Variants in SEC16B observed in about 807,000 individuals in gnomAD.
SEC16B encodes the protein SEC16 homolog B, endoplasmic reticulum export factor.
Under a neutral mutation model 141.8 loss-of-function variants are expected in SEC16B, and 115 were observed. That is an observed-to-expected ratio of 0.81 (90% CI 0.70 to 0.95). SEC16B has a LOEUF of 0.95. Ranked by LOEUF, SEC16B falls within the 40% of genes least tolerant of loss-of-function variation. The pLI, the probability that SEC16B is intolerant of heterozygous loss-of-function variation, is 0.00. For missense variants in SEC16B, 1,291 were observed against 1,312.3 expected, an observed-to-expected ratio of 0.98 and a Z score of 0.25; for synonymous variants, 493 against 492.5, an observed-to-expected ratio of 1.00 and a Z score of -0.01.
intron 24 of SEC16B, 74 bp downstream of exon 24, chr1:177,932,416 C>T (rs1279577322): frequency 1.7e-6 from 2 of 1,164,450 alleles, no homozygotes; most frequent in African/African-American, 1.6e-5. Context: ...TCAGCACTGC[C>T]CACACTGAAG....
chr1:177,944,585 G>A lies in SEC16B; in HGVS notation c.1857C>T (p.Pro619=). Residue 619 remains proline (P), a synonymous_variant, in exon 15 of 26, where the codon CCC becomes CCT. Transcript: ENST00000308284. ...CCTGGAAAGAAGGGATGAAGGATTT[G>A]GGGCGGCCCAGCATCTGACAGTACT... is the stretch of plus-strand genomic sequence containing the variant. ...IFEYCQMLGR[P]KSFIPSFQVY... The A allele has an allele frequency of 1.9e-6, 3 of 1,613,788 alleles. No individual in the cohort carries two copies. The highest frequency in any genetic ancestry group is 1.1e-5 in the South Asian group (1 of 91,062).
At position 177,947,851 on chromosome 1, in the gene SEC16B, G is replaced by A. The variant is rs1448896675; in HGVS notation, c.1637C>T (p.Ala546Val). The A allele has an allele frequency of 1.8e-5, 28 of 1,556,986 alleles. No individual in the cohort carries two copies. The highest frequency in any genetic ancestry group is 8.2e-5 in the African/African-American group (6 of 73,054). The change falls in exon 13 of 26, where the codon GCG (alanine) becomes GTG (valine). Residue 546 changes from alanine (A) to valine (V), a missense_variant. Transcript: ENST00000308284. ...CAGGGTGTCCCCAATGGCAACAATC[G>A]CACGCTGATACAGCTCTGGGTCCCC... is the stretch of plus-strand genomic sequence containing the variant. ...QAGDPELYQR[A>V]IVAIGDTLAG...
intron 12 of SEC16B, among the ~76,000 whole-genome samples, chr1:177,949,343 A>T (rs1382163320): frequency 6.6e-6 from 1 of 150,464 alleles, no homozygotes; most frequent in African/African-American, 2.4e-5. Flanking sequence ...TTCTTGCTGG[A>T]TCTACAGAAA....
At chr1:177,979,546 T>G (rs1468490963) in intron 1 of SEC16B, among the ~76,000 whole-genome samples, 2 of 152,208 alleles carry the variant, frequency 1.3e-5, no homozygotes, top group Non-Finnish European at 2.9e-5. Context: ...GCAGGACAAT[T>G]TCCATAGAAG....
At chr1:177,943,806 G>A (rs1651464807) in intron 15 of SEC16B, among the ~76,000 whole-genome samples, 1 of 152,184 alleles carries the variant, frequency 6.6e-6, no homozygotes, top group Non-Finnish European at 1.5e-5. Context: ...TCGATTTCAT[G>A]CCAGCTCCAT....
intron 2 of SEC16B, among the ~76,000 whole-genome samples, chr1:177,966,915 T>C (rs923777375): frequency 6.6e-5 from 10 of 152,192 alleles, no homozygotes; most frequent in African/African-American, 1.9e-4. Flanking sequence ...TAAATTTCTT[T>C]ATAATAATTG....
chr1:177,929,861 G>A lies in SEC16B; in HGVS notation c.3180C>T (p.Cys1060=). ...AGCCTGGGACGTGTGTTTATTCTCA[G>A]CATGGCTGGGTGGGATAGCGACGCT... ...LAQRRYPTQP[C] Residue 1060 remains cysteine, a synonymous_variant, in exon 26 of 26, where the codon TGC becomes TGT. Transcript: ENST00000308284. 5.0e-6 allele frequency: 8 copies of A among 1,613,902 alleles called. No individual in the cohort carries two copies. Among genetic ancestry groups the A allele is most frequent in the Non-Finnish European group, 6.8e-6 (8 of 1,179,852 alleles).
At chr1:177,947,192 C>T (rs1386665458) in intron 13 of SEC16B, among the ~76,000 whole-genome samples, 1 of 152,164 alleles carries the variant, frequency 6.6e-6, no homozygotes, top group Admixed American at 6.5e-5. Context: ...CATGGGAGCA[C>T]CATGATTTCT....
chr1:177,975,393 A>C (rs895575728), intron 1 of SEC16B, among the ~76,000 whole-genome samples: 3 of 152,208 alleles, frequency 2.0e-5, no homozygotes, highest in African/African-American at 7.2e-5. Flanking sequence ...TCATAGCCTG[A>C]GTATAGAATT....
intron 1 of SEC16B, among the ~76,000 whole-genome samples, chr1:177,981,905 A>T (rs552750613): frequency 6.6e-6 from 1 of 152,324 alleles, no homozygotes; most frequent in South Asian, 2.1e-4. Flanking sequence ...ATGTGCTTTG[A>T]TTTAGGCATT....
chr1:177,946,134 G>A, intron 14 of SEC16B: 1 of 580,570 alleles, frequency 1.7e-6, no homozygotes, highest in Non-Finnish European at 3.1e-6. Context: ...AGCTTGTGGA[G>A]CCAGGGTGCC....
Position 177,960,800 on chromosome 1 carries a change from G to C in SEC16B, c.927C>G (p.His309Gln). Residue 309 changes from histidine to glutamine, a missense_variant, in exon 7 of 26, where the codon CAC (histidine) becomes CAG (glutamine). Physicochemically the swap from His to Gln is conservative, Grantham distance 24. Coordinates refer to ENST00000308284, the MANE Select transcript of SEC16B (RefSeq NM_033127.4). ...ACTGGGTCTTCTTTACCTCCATGCTGTGCAGTTCAACAAGGGCTGCTTGCC... is the reference window on the plus strand; with the variant it reads ...ACTGGGTCTTCTTTACCTCCATGCTCTGCAGTTCAACAAGGGCTGCTTGCC... ...TDGQAALVEL[H>Q]SMEVILNDSE... is the part of the protein sequence containing the mutation. 1 of 1,611,350 alleles carries C rather than the reference G, an allele frequency of 6.2e-7. No homozygotes were observed. The highest frequency in any genetic ancestry group is 8.5e-7 in the Non-Finnish European group (1 of 1,178,628).
intron 18 of SEC16B, among the ~76,000 whole-genome samples, chr1:177,939,324 T>G (rs974495524): frequency 6.6e-6 from 1 of 152,192 alleles, no homozygotes; most frequent in Non-Finnish European, 1.5e-5. Context: ...TCTTAAGGAC[T>G]TCTGACATCC....
At position 177,930,630 on chromosome 1, in the gene SEC16B, T is replaced by C. The variant is rs1280551808; in HGVS notation, c.3026A>G (p.Glu1009Gly). 7 of 1,613,122 alleles carry C rather than the reference T, an allele frequency of 4.3e-6. No individual in the cohort carries two copies. The highest frequency in any genetic ancestry group is 5.1e-6 in the Non-Finnish European group (6 of 1,179,528). ...GLSGPESVSF[E>G]LCSNPGVLLP... Reference sequence around the variant, plus strand: ...AAGAACACCAGGGTTGGAGCAGAGCTCAAAGGAAACACTCTGTGATGGAAA... The same window carrying C: ...AAGAACACCAGGGTTGGAGCAGAGCCCAAAGGAAACACTCTGTGATGGAAA... The change falls in exon 25 of 26, where the codon GAG becomes GGG. Residue 1009 changes from glutamate to glycine, a missense_variant. Physicochemically the swap from Glu to Gly is moderately conservative, Grantham distance 98 (BLOSUM62 -2). This residue lies in a region of SEC16B where 605 missense variants were observed against 614.1 expected (regional missense o/e 0.99). Coordinates refer to ENST00000308284, the MANE Select transcript of SEC16B (RefSeq NM_033127.4).
rs907067536 is a variant in SEC16B at position 177,932,554 on chromosome 1, C to T, written c.2948G>A (p.Arg983Gln). The part of the protein sequence containing the change: ...FSRGRGGGEG[R>Q]GSASSGGAAA... ...TGCTCCCCCGCTGGATGCGGATCCT[C>T]GGCCTTCACCCCCACCTGGAAAGTA... The change falls in exon 24 of 26, where the codon CGA becomes CAA. Residue 983 changes from arginine to glutamine, a missense_variant. Arg to Gln is a conservative substitution (Grantham distance 43). Around this residue, in one of 3 missense-constraint regions of SEC16B, gnomAD observed 605 missense variants for 614.1 expected, o/e 0.99. Coordinates refer to ENST00000308284, the MANE Select transcript of SEC16B (RefSeq NM_033127.4). 35 of 1,559,584 alleles carry T rather than the reference C, an allele frequency of 2.2e-5. No homozygotes were observed. The highest frequency in any genetic ancestry group is 6.8e-5 in the African/African-American group (5 of 72,998).
At position 177,966,001 on chromosome 1, in the gene SEC16B, C is replaced by T. The variant is rs571053965; in HGVS notation, c.304G>A (p.Gly102Ser). ...TAGCTCTGATATGAATTCTCATAAC[C>T]TGGCCTAAAATATCACAAAGAAGAC... is the stretch of plus-strand genomic sequence containing the variant. Reference protein sequence around the residue: ...GYRNQLYSRPGYENSYQSYQS... With the variant: ...GYRNQLYSRPSYENSYQSYQS... Residue 102 changes from glycine (G) to serine (S), a missense_variant, in exon 3 of 26, where the codon GGT (glycine) becomes AGT (serine). By Grantham distance (56) the Gly-to-Ser change is moderately conservative. Around this residue, in one of 3 missense-constraint regions of SEC16B, gnomAD observed 681 missense variants for 675.5 expected, o/e 1.01. Transcript: ENST00000308284. 83 of 1,569,766 alleles carry T rather than the reference C, an allele frequency of 5.3e-5. 1 individual carries two copies. In the South Asian group the frequency reaches 8.8e-4, roughly 17 times the overall value.
intron 1 of SEC16B, among the ~76,000 whole-genome samples, chr1:177,981,444 T>C (rs1177256326): frequency 6.6e-6 from 1 of 152,198 alleles, no homozygotes; most frequent in Non-Finnish European, 1.5e-5. Flanking sequence ...TGTTTCTCAC[T>C]GGGTTGACTG....
At chr1:177,974,858 G>A (rs1450981913), upstream of SEC16B, among the ~76,000 whole-genome samples, 5 of 152,132 alleles carry the variant, frequency 3.3e-5, no homozygotes, top group African/African-American at 1.2e-4. Context: ...AATTACTGAA[G>A]AAACAAATCT....
Position 177,929,161 on chromosome 1 carries a change from G to T in SEC16B, c.*697C>A, listed in dbSNP as rs1266591939. 3 of 152,666 alleles carry T rather than the reference G, an allele frequency of 2.0e-5. No homozygotes were observed. The highest frequency in any genetic ancestry group is 7.2e-5 in the African/African-American group (3 of 41,418). The allele number at this position is 152,666 out of a possible 1,614,324, so 9.5% of individuals were successfully genotyped here. On this transcript the variant is annotated 3_prime_UTR_variant, in exon 26 of 26. Coordinates refer to ENST00000308284, the MANE Select transcript of SEC16B (RefSeq NM_033127.4). ...GATGTGCCATCCATCTGCATCATTA[G>T]GTTCAGTAGTTACCATGACAATATG...
Sources: allele counts gnomAD v4.1 joint callset (sites outside exome capture counted in the v4.1 genomes callset), GRCh38; gene constraint gnomAD v4.1.1; regional missense constraint gnomAD v4.1.1; transcripts MANE v1.5; gene names NCBI Gene and HGNC (gene_info 2026-07-23, HGNC 2026-07-21).